The following ZNF12 variants were observed in gnomAD, a reference collection of about 807,000 sequenced individuals.
ZNF12 encodes zinc finger protein 12.
Under a neutral mutation model 66.6 loss-of-function variants are expected in ZNF12, and 34 were observed. The ratio of observed to expected loss-of-function variants is 0.51; its 90% confidence interval spans 0.39 to 0.68. The LOEUF is 0.68. ZNF12 is among the 30% of genes least tolerant of loss of function. The pLI is 0.00. For missense variants in ZNF12, 697 were observed against 826.9 expected (o/e 0.84, Z 1.93); for synonymous variants, 320 against 278.9 (o/e 1.15, Z -1.47).
Position 6,692,200 on chromosome 7 carries a change from T to G in ZNF12, c.742A>C (p.Ile248Leu). ...EKPYKWNGSE[I>L]AFLQMSDLTV... ...AGGTCCGACATCTGGAGAAAGGCTA[T>G]TTCAGATCCATTCCACTTATAGGGC... The change falls in exon 5 of 5, where the codon ATA becomes CTA. Residue 248 changes from isoleucine to leucine, a missense_variant. This residue lies in a region of ZNF12 where 241 missense variants were observed against 224.0 expected (regional missense o/e 1.08). Transcript: ENST00000405858. This position sits in a 1 kb window ranked among gnomAD's most constrained non-coding sequence, Gnocchi z 5.1. The G allele has an allele frequency of 6.2e-7, 1 of 1,614,068 alleles. No individual in the cohort carries two copies. The highest frequency in any genetic ancestry group is 8.5e-7 in the Non-Finnish European group (1 of 1,179,914).
intron 2 of ZNF12, among the ~76,000 whole-genome samples, chr7:6,704,740 CAAAAAAAAAAAAAAAAAA>C (rs949897713): frequency 1.4e-3 from 44 of 32,250 alleles, no homozygotes; most frequent in Non-Finnish European, 2.3e-3. Context: ...TACTTGGTCT[CAAAAAAAAAAAAAAAAAA>C]AAAAAAAAAA....
chr7:6,700,640 T>C (rs1048351363), intron 2 of ZNF12, among the ~76,000 whole-genome samples: 1 of 152,182 alleles, frequency 6.6e-6, no homozygotes, highest in African/African-American at 2.4e-5. Flanking sequence ...TTTCAACAGA[T>C]GACACACTTT....
chr7:6,700,225 C>T (rs1780213994), intron 2 of ZNF12, among the ~76,000 whole-genome samples: 1 of 150,554 alleles, frequency 6.6e-6, no homozygotes, highest in East Asian at 1.9e-4. Context: ...GTGGAGCTTG[C>T]AGTGAGCCGA....
rs748941740 is a variant in ZNF12, at chr7:6,706,945, A to T, written c.-564T>A. The T allele has an allele frequency of 5.0e-6, 2 of 401,766 alleles. No individual in the cohort carries two copies. Among genetic ancestry groups the T allele is most frequent in the Admixed American group, 3.0e-5 (1 of 33,822 alleles). The allele number at this position is 401,766 out of a possible 1,614,324, so 24.9% of individuals were successfully genotyped here. A position where few individuals can be genotyped will look rare whatever the true frequency, so the allele number is the denominator to read the frequency against. On this transcript the variant is annotated 5_prime_UTR_variant, in exon 1 of 5. Coordinates refer to ENST00000405858, the MANE Select transcript of ZNF12 (RefSeq NM_016265.4). ...CTGGGGACGCACAGGAAGCGAGGGC[A>T]CTGCGGCCGCGGCGCGCATGCGCGA... is the stretch of plus-strand genomic sequence containing the variant.
In ZNF12 at chr7:6,705,354, A is replaced by C. The variant is rs1314788324; in HGVS notation, c.-50-131T>G. 4.8e-6 allele frequency: 3 copies of C among 628,694 alleles called. No individual in the cohort carries two copies. The highest frequency in any genetic ancestry group is 8.2e-6 in the Non-Finnish European group (3 of 364,592). The allele number at this position is 628,694 out of a possible 1,614,324, so 38.9% of individuals were successfully genotyped here. ...TGGGAGACTGTCCCTTTAAGCCTTC[A>C]GAAGGGATTGGAAAATGATCAGGAG... On this transcript the variant is annotated intron_variant, in intron 1 of 4. Transcript: ENST00000405858. This position sits in a 1 kb window ranked among gnomAD's most constrained non-coding sequence, Gnocchi z 4.0.
chr7:6,706,287 C>T lies in ZNF12; in HGVS notation c.-51+145G>A, dbSNP rs182408778. ...CCCCCACGCCCCCGTAAGCCTCGTC[C>T]TCGCCGGACCCTGCCTTCAAACCCA... On this transcript the variant is annotated intron_variant, in intron 1 of 4. Coordinates refer to ENST00000405858, the MANE Select transcript of ZNF12 (RefSeq NM_016265.4). 9 of 410,938 alleles carry T rather than the reference C, an allele frequency of 2.2e-5. No homozygotes were observed. The East Asian group carries it at 6.8e-4, about 31-fold the overall frequency. 25.5% of individuals were successfully genotyped at this position (410,938 alleles called of 1,614,324 possible). A position where few individuals can be genotyped will look rare whatever the true frequency, so the allele number is the denominator to read the frequency against.
At position 6,696,623 on chromosome 7, in the gene ZNF12, T is replaced by C. The variant is rs1387722377; in HGVS notation, c.238+716A>G. On this transcript the variant is annotated intron_variant, in intron 4 of 4. Coordinates refer to ENST00000405858, the MANE Select transcript of ZNF12 (RefSeq NM_016265.4). This position sits in a 1 kb window ranked among gnomAD's most constrained non-coding sequence, Gnocchi z 4.0. Reference sequence around the variant, plus strand: ...GACCCTTTAAAGACATTTCTGGAGGTGGTGGAAGCATAAACCAGACTTCAT... The same window carrying C: ...GACCCTTTAAAGACATTTCTGGAGGCGGTGGAAGCATAAACCAGACTTCAT... 6.6e-6 allele frequency among the ~76,000 whole-genome samples: 1 copy of C among 151,884 alleles called. No individual in the cohort carries two copies. The highest frequency in any genetic ancestry group is 2.4e-5 in the African/African-American group (1 of 41,326).
chr7:6,706,385 C>A (rs1184931320), intron 1 of ZNF12, 47 bp downstream of exon 1: 1 of 459,242 alleles, frequency 2.2e-6, no homozygotes, highest in Non-Finnish European at 4.4e-6. Flanking sequence ...CACGCGGTGA[C>A]TTCACCCAGG....
rs953612281 is a variant in ZNF12 at position 6,688,893 on chromosome 7, A to T, written c.*1955T>A. On this transcript the variant is annotated 3_prime_UTR_variant, in exon 5 of 5. Coordinates refer to ENST00000405858, the MANE Select transcript of ZNF12 (RefSeq NM_016265.4). This position sits in a 1 kb window ranked among gnomAD's most constrained non-coding sequence, Gnocchi z 4.3. ...AAGGAGGTATGCCTAACATTGTGTC[A>T]CGTTCCAAAGGTGAATTTTGCAGGT... is the stretch of plus-strand genomic sequence containing the variant. 2 of 152,648 alleles carry T rather than the reference A, an allele frequency of 1.3e-5. No individual in the cohort carries two copies. The highest frequency in any genetic ancestry group is 4.8e-5 in the African/African-American group (2 of 41,454). 9.5% of individuals were successfully genotyped at this position (152,648 alleles called of 1,614,324 possible).
At chr7:6,700,527 T>C (rs1437129965) in intron 2 of ZNF12, among the ~76,000 whole-genome samples, 1 of 152,200 alleles carries the variant, frequency 6.6e-6, no homozygotes, top group East Asian at 1.9e-4. Flanking sequence ...GAGAGTCCTC[T>C]GTCTAGCATC....
rs1780180381 is a variant in ZNF12 at position 6,698,077 on chromosome 7, C to T, written c.16-266G>A. On this transcript the variant is annotated intron_variant, in intron 2 of 4. Coordinates refer to ENST00000405858, the MANE Select transcript of ZNF12 (RefSeq NM_016265.4). This position sits in a 1 kb window ranked among gnomAD's most constrained non-coding sequence, Gnocchi z 4.4. ...CCTGGCTGTTGGGAACTCTTAACAC[C>T]AGCAGGGACGAATCTCACCCCTGAG... 3.0e-6 allele frequency: 2 copies of T among 656,662 alleles called. No individual in the cohort carries two copies. The highest frequency in any genetic ancestry group is 5.7e-6 in the Non-Finnish European group (2 of 351,110). The allele number at this position is 656,662 out of a possible 1,614,324, so 40.7% of individuals were successfully genotyped here.
rs1780023881 is a variant in ZNF12, at chr7:6,688,695, C to T, written c.*2153G>A. 6.6e-6 allele frequency: 1 copy of T among 152,184 alleles called. No individual in the cohort carries two copies. Among genetic ancestry groups the T allele is most frequent in the South Asian group, 2.1e-4 (1 of 4,832 alleles). The allele number at this position is 152,184 out of a possible 1,614,324, so 9.4% of individuals were successfully genotyped here. A position where few individuals can be genotyped will look rare whatever the true frequency, so the allele number is the denominator to read the frequency against. The stretch of plus-strand genomic sequence containing the variant: ...TTAATAAATGGAAAACACGGCATTT[C>T]AGCTCAGTGGTAAAGCAGTAAACCA... On this transcript the variant is annotated 3_prime_UTR_variant, in exon 5 of 5. Coordinates refer to ENST00000405858, the MANE Select transcript of ZNF12 (RefSeq NM_016265.4). The surrounding 1 kb of genome is among the most constrained non-coding windows in gnomAD (Gnocchi z 4.3).
intron 2 of ZNF12, among the ~76,000 whole-genome samples, chr7:6,701,555 C>T (rs1017064739): frequency 6.6e-6 from 1 of 152,106 alleles, no homozygotes; most frequent in Non-Finnish European, 1.5e-5. Context: ...GCTGGGATTT[C>T]AGACAGAAGG....
chr7:6,691,770 G>T lies in ZNF12; in HGVS notation c.1172C>A (p.Ser391Ter). Residue 391 changes from serine (S) to a stop codon, truncating the protein, a stop_gained, in exon 5 of 5, where the codon TCG becomes TAG. Transcript: ENST00000405858. LOFTEE classifies it high-confidence loss of function. ...ATGGTCATTAAGTGCTGACTTCTGCGAGAAGGTTTTCCCACAGTCATGACA... is the reference window on the plus strand; with the variant it reads ...ATGGTCATTAAGTGCTGACTTCTGCTAGAAGGTTTTCCCACAGTCATGACA... Reference protein sequence around the residue: ...YVCHDCGKTFSQKSALNDHQK... With the variant: ...YVCHDCGKTF 1 of 1,613,814 alleles carries T rather than the reference G, an allele frequency of 6.2e-7. No homozygotes were observed. Among genetic ancestry groups the T allele is most frequent in the Non-Finnish European group, 8.5e-7 (1 of 1,179,834 alleles).
chr7:6,693,130 G>T (rs749189590), intron 4 of ZNF12, among the ~76,000 whole-genome samples: 19 of 152,192 alleles, frequency 1.2e-4, no homozygotes, highest in Admixed American at 3.9e-4. Flanking sequence ...ATTCATTTAG[G>T]GGGAGGTAAA....
chr7:6,690,870 A>T lies in ZNF12; in HGVS notation c.2072T>A (p.Ile691Lys). Residue 691 changes from isoleucine (I) to lysine (K), a missense_variant, in exon 5 of 5, where the codon ATA becomes AAA. This residue lies in a region of ZNF12 where 401 missense variants were observed against 519.0 expected (regional missense o/e 0.77). Coordinates refer to ENST00000405858, the MANE Select transcript of ZNF12 (RefSeq NM_016265.4). ...RIHRRGNMNV[I>K]DVGRLL is the part of the protein sequence containing the mutation. ...ACTTCAGAGAAGCCTTCCCACATCTATTACATTCATATTGCCTCTCCTATG... is the reference window on the plus strand; with the variant it reads ...ACTTCAGAGAAGCCTTCCCACATCTTTTACATTCATATTGCCTCTCCTATG... The T allele has an allele frequency of 1.2e-6, 2 of 1,612,734 alleles. No homozygotes were observed. Among genetic ancestry groups the T allele is most frequent in the Non-Finnish European group, 1.7e-6 (2 of 1,179,260 alleles).
rs1780051515 is a variant in ZNF12, at chr7:6,690,682, A to C, written c.*166T>G. The C allele has an allele frequency of 1.5e-6, 1 of 671,226 alleles. No homozygotes were observed. The highest frequency in any genetic ancestry group is 2.8e-5 in the East Asian group (1 of 36,300). 41.6% of individuals were successfully genotyped at this position (671,226 alleles called of 1,614,324 possible). On this transcript the variant is annotated 3_prime_UTR_variant, in exon 5 of 5. Transcript: ENST00000405858. The stretch of plus-strand genomic sequence containing the variant: ...TTGTTATACCATGTGGTCTTGTTAT[A>C]ATCATGGTTTCCATTCTGTGAGTCT...
Position 6,692,177 on chromosome 7 carries a change from G to T in ZNF12, c.765C>A (p.Asp255Glu). 2 of 1,614,068 alleles carry T rather than the reference G, an allele frequency of 1.2e-6. No homozygotes were observed. The highest frequency in any genetic ancestry group is 2.2e-5 in the South Asian group (2 of 91,082). ...GSEIAFLQMS[D>E]LTVHQTSHME... ...TATGAGATGTCTGATGTACAGTGAG[G>T]TCCGACATCTGGAGAAAGGCTATTT... Residue 255 changes from aspartate (D) to glutamate (E), a missense_variant, in exon 5 of 5, where the codon GAC becomes GAA. Physicochemically the swap from Asp to Glu is conservative, Grantham distance 45. This residue lies in a region of ZNF12 where 241 missense variants were observed against 224.0 expected (regional missense o/e 1.08). Coordinates refer to ENST00000405858, the MANE Select transcript of ZNF12 (RefSeq NM_016265.4). The surrounding 1 kb of genome is among the most constrained non-coding windows in gnomAD (Gnocchi z 5.1).
intron 2 of ZNF12, among the ~76,000 whole-genome samples, chr7:6,704,610 G>C (rs1272125979): frequency 3.5e-5 from 5 of 143,426 alleles, no homozygotes; most frequent in Admixed American, 1.4e-4. Context: ...TGTGGTGGCA[G>C]ATGCCTGTAA....
Sources: allele counts gnomAD v4.1 joint callset (sites outside exome capture counted in the v4.1 genomes callset), GRCh38; gene constraint gnomAD v4.1.1; regional missense constraint gnomAD v4.1.1; non-coding constraint Gnocchi (gnomAD v3.1); transcripts MANE v1.5; gene names NCBI Gene and HGNC (gene_info 2026-07-23, HGNC 2026-07-21).